The following KIF4A variants were observed in gnomAD, a reference collection of about 807,000 sequenced individuals.
KIF4A encodes kinesin family member 4A, also known as chromosome-associated kinesin KIF4A.
KIF4A carries 7 observed loss-of-function variants against 105.9 expected under a neutral mutation model. That is an observed-to-expected ratio of 0.07 (90% CI 0.04 to 0.12). KIF4A has a LOEUF of 0.12. Ranked by LOEUF, KIF4A falls within the 10% of genes least tolerant of loss-of-function variation. The pLI is 1.00. For synonymous variants in KIF4A, 281 were observed against 331.3 expected (o/e 0.85, Z 1.65); for missense variants, 558 against 929.2 (o/e 0.60, Z 5.19).
At chrX:70,313,771 C>T (rs2085859103) in intron 7 of KIF4A, among the ~76,000 whole-genome samples, 1 of 112,322 alleles carries the variant, frequency 8.9e-6, no homozygotes, top group South Asian at 3.7e-4. Flanking sequence ...CACTTGGCAG[C>T]CTATTCAAAG....
intron 10 of KIF4A, among the ~76,000 whole-genome samples, chrX:70,339,123 G>A (rs1310482627): frequency 9.2e-6 from 1 of 108,634 alleles, no homozygotes; most frequent in African/African-American, 3.3e-5. Context: ...ATTCACCCAT[G>A]TTTTCTTCTA....
intron 15 of KIF4A, among the ~76,000 whole-genome samples, chrX:70,361,008 A>G (rs1055226081): frequency 8.9e-6 from 1 of 112,616 alleles, no homozygotes; most frequent in African/African-American, 3.2e-5. Context: ...TCAGGAGGCT[A>G]ACCCCTATGG....
At position 70,343,716 on chromosome X, in the gene KIF4A, A is replaced by C; in HGVS notation, c.1280A>C (p.Asn427Thr). 4 of 1,211,584 alleles carry C rather than the reference A, an allele frequency of 3.3e-6. No individual in the cohort carries two copies. The highest frequency in any genetic ancestry group is 3.4e-6 in the Non-Finnish European group (3 of 895,357). The change falls in exon 12 of 31, where the codon AAT becomes ACT. Residue 427 changes from asparagine (N) to threonine (T), a missense_variant. Coordinates refer to ENST00000374403, the MANE Select transcript of KIF4A (RefSeq NM_012310.5). ...TCTTTGTTGCAGACAGAGCAAGCGAATGAAAAAATGAACGCCAAGCTAGAA... is the reference window on the plus strand; with the variant it reads ...TCTTTGTTGCAGACAGAGCAAGCGACTGAAAAAATGAACGCCAAGCTAGAA... ...LERIILTEQA[N>T]EKMNAKLEEL...
intron 28 of KIF4A, among the ~76,000 whole-genome samples, chrX:70,412,414 T>C (rs759014613): frequency 1.8e-5 from 2 of 111,465 alleles, no homozygotes; most frequent in Non-Finnish European, 1.9e-5. Flanking sequence ...TAGGATAAAA[T>C]AGAGAAACAT....
chrX:70,348,781 C>T (rs1350842217), intron 13 of KIF4A, among the ~76,000 whole-genome samples: 2 of 111,762 alleles, frequency 1.8e-5, no homozygotes, highest in Non-Finnish European at 1.9e-5. Context: ...ACAATCTGAT[C>T]TCTCTTTCTT....
At chrX:70,336,197 G>C (rs2085949859) in intron 10 of KIF4A, among the ~76,000 whole-genome samples, 1 of 111,416 alleles carries the variant, frequency 9.0e-6, no homozygotes, top group South Asian at 3.8e-4. Context: ...ATTCTTTTTT[G>C]CAGGTGCATA....
At chrX:70,406,166 C>T (rs1473054388) in intron 26 of KIF4A, 93 bp from the exon 27 acceptor site, 21 of 724,336 alleles carry the variant, frequency 2.9e-5, no homozygotes, top group East Asian at 2.3e-4. Context: ...TATGGTTTAA[C>T]GTTAAGCTAG....
chrX:70,344,094 C>T (rs1179999546), intron 13 of KIF4A, 112 bp downstream of exon 13: 8 of 526,946 alleles, frequency 1.5e-5, no homozygotes, highest in African/African-American at 2.4e-5. Context: ...GATTGTGAGC[C>T]GCTTTTGGAC....
At chrX:70,299,091 A>G in intron 4 of KIF4A, 22 bp from the exon 5 acceptor site, 1 of 1,173,830 alleles carries the variant, frequency 8.5e-7, no homozygotes. Context: ...TGTTTTTGCC[A>G]CTTTATTTTC....
intron 15 of KIF4A, among the ~76,000 whole-genome samples, chrX:70,369,743 A>G (rs1160818195): frequency 1.8e-5 from 2 of 111,840 alleles, no homozygotes; most frequent in Non-Finnish European, 3.8e-5. Context: ...TAACATATAT[A>G]TATATAAAAT....
At chrX:70,303,528 A>G (rs994157780) in intron 7 of KIF4A, among the ~76,000 whole-genome samples, 1 of 111,897 alleles carries the variant, frequency 8.9e-6, no homozygotes, top group African/African-American at 3.2e-5. Context: ...GTTGGCACTG[A>G]GTGCAGACCT....
At chrX:70,376,801 A>G (rs2086176801) in intron 18 of KIF4A, among the ~76,000 whole-genome samples, 1 of 112,233 alleles carries the variant, frequency 8.9e-6, no homozygotes, top group South Asian at 3.7e-4. Context: ...TGTTAGTAGC[A>G]TAAAGATTTT....
chrX:70,360,781 G>A (rs748897471), intron 15 of KIF4A, among the ~76,000 whole-genome samples: 18 of 112,907 alleles, frequency 1.6e-4, no homozygotes, highest in Admixed American at 1.4e-3. Context: ...GCAGGAAAGG[G>A]CACCTTGAGT....
rs752176061 is a variant in KIF4A, at chrX:70,312,058, T to G, written c.778+9660T>G. Among the ~76,000 whole-genome samples, 172 of 109,922 alleles carry G rather than the reference T, an allele frequency of 1.6e-3. 1 individual carries two copies. Among genetic ancestry groups the G allele is most frequent in the African/African-American group, 5.4e-3 (165 of 30,362 alleles). On this transcript the variant is annotated intron_variant, in intron 7 of 30. Coordinates refer to ENST00000374403, the MANE Select transcript of KIF4A (RefSeq NM_012310.5). ...ATCTAGTCAGTGTTCAAATTTTTAA[T>G]TGTCTTATAGATTTTATTTATTTGG...
At chrX:70,321,237 A>G (rs1351836433) in intron 7 of KIF4A, among the ~76,000 whole-genome samples, 2 of 111,783 alleles carry the variant, frequency 1.8e-5, no homozygotes. Context: ...CATCACAGCC[A>G]TCTCCTCTTC....
intron 15 of KIF4A, chrX:70,362,493 C>T (rs2086080386): frequency 7.9e-6 from 1 of 126,108 alleles, no homozygotes; most frequent in African/African-American, 3.2e-5. Context: ...GCATCTAGTC[C>T]TTTTCCCCAT....
intron 15 of KIF4A, among the ~76,000 whole-genome samples, chrX:70,372,807 A>C (rs2086145686): frequency 8.9e-6 from 1 of 112,987 alleles, no homozygotes; most frequent in Non-Finnish European, 1.9e-5. Flanking sequence ...CAGTTTACAA[A>C]ATGTCTACCT....
chrX:70,370,798 T>C (rs757858883), intron 15 of KIF4A, among the ~76,000 whole-genome samples: 1 of 109,018 alleles, frequency 9.2e-6, no homozygotes, highest in South Asian at 4.0e-4. Flanking sequence ...TAGCCAAGTG[T>C]GGTGGCAGGT....
At chrX:70,362,055 A>G (rs1291413692) in intron 15 of KIF4A, 1 of 161,877 alleles carries the variant, frequency 6.2e-6, no homozygotes, top group African/African-American at 3.1e-5. Context: ...GCTACTGGTA[A>G]ATGTCACCAT....
Sources: gnomAD v4.1 joint callset for allele counts (sites outside exome capture counted in the v4.1 genomes callset) on GRCh38, gnomAD v4.1.1 for gene constraint, MANE v1.5 for transcripts, NCBI Gene and HGNC (gene_info 2026-07-23, HGNC 2026-07-21) for gene names.